SLC1A7: variants seen among roughly 807,000 people sequenced by gnomAD.
SLC1A7 encodes the protein excitatory amino acid transporter 5.
In SLC1A7, 40 loss-of-function variants were observed where a neutral mutation model predicts 47.7. The ratio of observed to expected loss-of-function variants is 0.84; its 90% confidence interval spans 0.65 to 1.09. SLC1A7 has a LOEUF of 1.09. Among genes scored for constraint, SLC1A7 ranks in the 50% least tolerant of loss-of-function variants. The pLI is 0.00. For missense variants in SLC1A7, 746 were observed against 769.5 expected, an observed-to-expected ratio of 0.97 and a Z score of 0.36; for synonymous variants, 323 against 325.6, an observed-to-expected ratio of 0.99 and a Z score of 0.09.
intron 10 of SLC1A7, among the ~76,000 whole-genome samples, chr1:53,088,473 T>C (rs1281517813): frequency 2.0e-5 from 3 of 152,054 alleles, no homozygotes; most frequent in Admixed American, 6.5e-5. Flanking sequence ...ATCTGGGGAA[T>C]TGGTGGATCC....
chr1:53,136,876 A>C (rs1265727735), intron 1 of SLC1A7, among the ~76,000 whole-genome samples: 2 of 151,754 alleles, frequency 1.3e-5, no homozygotes, highest in Non-Finnish European at 2.9e-5. Flanking sequence ...TATGTTGCCC[A>C]GACTAGTCTC....
chr1:53,122,454 G>A lies in SLC1A7; in HGVS notation c.216-7481C>T, dbSNP rs74082711. On this transcript the variant is annotated intron_variant, in intron 2 of 10. Transcript: ENST00000371494. ...CTTCGGGGGTCTGCGGGCAAGAGGG[G>A]TCCCTTCAGTCCATCTGAGCATCAT... Among the ~76,000 whole-genome samples the A allele has an allele frequency of 8.7e-3, 1,318 of 152,276 alleles. 17 individuals are homozygous for A. The highest frequency in any genetic ancestry group is 0.028 in the African/African-American group (1,152 of 41,562).
chr1:53,112,450 G>A (rs1455202302), intron 3 of SLC1A7, among the ~76,000 whole-genome samples: 1 of 152,216 alleles, frequency 6.6e-6, no homozygotes, highest in African/African-American at 2.4e-5. Context: ...GTTTTAAGCT[G>A]ATAAATGTTG....
At chr1:53,112,983 C>T (rs1557679982) in intron 3 of SLC1A7, among the ~76,000 whole-genome samples, 2 of 151,924 alleles carry the variant, frequency 1.3e-5, no homozygotes, top group Middle Eastern at 3.4e-3. Context: ...AGCCCACTCC[C>T]TCACCTCTCA....
chr1:53,118,015 C>T (rs966976678), intron 2 of SLC1A7, among the ~76,000 whole-genome samples: 2 of 152,200 alleles, frequency 1.3e-5, no homozygotes, highest in Admixed American at 6.5e-5. Flanking sequence ...CAGCTGGCAG[C>T]ACAGGCCAGC....
intron 2 of SLC1A7, among the ~76,000 whole-genome samples, chr1:53,120,406 C>T (rs563851643): frequency 1.2e-4 from 18 of 152,310 alleles, no homozygotes; most frequent in African/African-American, 3.6e-4. Context: ...GCCCAGCTGC[C>T]GGATGCCCCT....
At chr1:53,088,718 G>A (rs897077419) in intron 10 of SLC1A7, among the ~76,000 whole-genome samples, 159 bp downstream of exon 10, 1 of 152,196 alleles carries the variant, frequency 6.6e-6, no homozygotes, top group Non-Finnish European at 1.5e-5. Flanking sequence ...AGATGTTAGA[G>A]GAATCAGTCA....
Position 53,105,845 on chromosome 1 carries a change from GGGT to G in SLC1A7, c.432-74_432-72del. 2.4e-6 allele frequency: 3 copies of G among 1,275,050 alleles called. No individual in the cohort carries two copies. In the African/African-American group the frequency reaches 4.4e-5, roughly 19 times the overall value. The allele number at this position is 1,275,050 out of a possible 1,614,324, so 79.0% of individuals were successfully genotyped here. A position where few individuals can be genotyped will look rare whatever the true frequency, so the allele number is the denominator to read the frequency against. ...GAGGGCCCTGGGGGTTGTGGCCTTG[GGGT>G]CATCTGGACATCTCCTTTGGTGGTC... On this transcript the variant is annotated intron_variant, in intron 3 of 10. Coordinates refer to ENST00000371494, the MANE Select transcript of SLC1A7 (RefSeq NM_006671.6).
chr1:53,124,629 G>A (rs1202732416), intron 2 of SLC1A7, among the ~76,000 whole-genome samples: 1 of 150,260 alleles, frequency 6.7e-6, no homozygotes, highest in African/African-American at 2.5e-5. Context: ...GGCCATAATG[G>A]GCCACACACA....
At chr1:53,126,338 A>T (rs1173215487) in intron 2 of SLC1A7, among the ~76,000 whole-genome samples, 3 of 151,612 alleles carry the variant, frequency 2.0e-5, no homozygotes, top group Non-Finnish European at 4.4e-5. Flanking sequence ...CATTTAAATG[A>T]TTTTCTCCCT....
At chr1:53,093,427 G>A (rs746112003) in intron 6 of SLC1A7, 34 bp downstream of exon 6, 1 of 1,531,944 alleles carries the variant, frequency 6.5e-7, no homozygotes. Context: ...ACCCAGGGCT[G>A]GCCGGGGTGA....
intron 1 of SLC1A7, among the ~76,000 whole-genome samples, chr1:53,135,161 G>A (rs71654985): frequency 0.065 from 9,919 of 152,238 alleles, 427 homozygotes; most frequent in Middle Eastern, 0.12. Context: ...CATCTGCCTA[G>A]CCATGGAATA....
chr1:53,115,551 CCTGCGGG>C (rs1644750535), intron 2 of SLC1A7: 2 of 157,132 alleles, frequency 1.3e-5, no homozygotes, highest in African/African-American at 4.8e-5. Context: ...GCAGGCGGTT[CCTGCGGG>C]CTCCTGGACG....
intron 5 of SLC1A7, among the ~76,000 whole-genome samples, chr1:53,101,159 T>A (rs891605096): frequency 6.9e-6 from 1 of 145,848 alleles, no homozygotes. Flanking sequence ...CTCAGTACAC[T>A]TACACACCCT....
chr1:53,095,628 T>G (rs1644477954), intron 5 of SLC1A7, among the ~76,000 whole-genome samples: 1 of 120,850 alleles, frequency 8.3e-6, no homozygotes, highest in Non-Finnish European at 1.7e-5. Context: ...TTGGTACACT[T>G]AAACCCGCCT....
chr1:53,105,662 A>G, intron 4 of SLC1A7, 70 bp downstream of exon 4: 1 of 1,197,890 alleles, frequency 8.3e-7, no homozygotes, highest in Admixed American at 1.7e-5. Context: ...CAGCCATGCC[A>G]CTAGCCCTGC....
At chr1:53,101,788 C>T (rs1644585760) in intron 5 of SLC1A7, among the ~76,000 whole-genome samples, 1 of 151,884 alleles carries the variant, frequency 6.6e-6, no homozygotes, top group African/African-American at 2.4e-5. Context: ...TACACTCACA[C>T]ACCCTACCTT....
chr1:53,095,499 G>GTACACTCACACACTCTGCCTCGT (rs1315238635), intron 5 of SLC1A7, among the ~76,000 whole-genome samples: 6 of 146,588 alleles, frequency 4.1e-5, no homozygotes, highest in Non-Finnish European at 9.0e-5. Context: ...CACCGCCTCG[G>GTACACTCACACACTCTGCCTCGT]TACACTCACA....
At chr1:53,127,087 G>T (rs1644891248) in intron 2 of SLC1A7, among the ~76,000 whole-genome samples, 1 of 108,128 alleles carries the variant, frequency 9.2e-6, no homozygotes, top group African/African-American at 3.6e-5. Flanking sequence ...ATGTTGCCAG[G>T]GCTTTATCTA....
Sources: gnomAD v4.1 joint callset for allele counts (sites outside exome capture counted in the v4.1 genomes callset) on GRCh38, gnomAD v4.1.1 for gene constraint, MANE v1.5 for transcripts, NCBI Gene and HGNC (gene_info 2026-07-23, HGNC 2026-07-21) for gene names.